TRIO: variants seen among roughly 807,000 people sequenced by gnomAD.
The protein encoded by TRIO is trio Rho guanine nucleotide exchange factor.
A neutral mutation model predicts 351.9 loss-of-function variants in TRIO; 58 were observed. The observed-to-expected ratio is 0.16, with a 90% CI of 0.13 to 0.21. The LOEUF (loss-of-function observed/expected upper bound fraction) is 0.21. TRIO is among the 10% of genes least tolerant of loss of function. The pLI is 1.00. For synonymous variants in TRIO, 1,758 were observed against 1,595.7 expected, an observed-to-expected ratio of 1.10 and a Z score of -2.42; for missense variants, 3,201 against 4,027.8, an observed-to-expected ratio of 0.79 and a Z score of 5.56.
intron 8 of TRIO, among the ~76,000 whole-genome samples, chr5:14,306,105 C>T (rs971022476): frequency 6.7e-6 from 1 of 149,830 alleles, no homozygotes; most frequent in Admixed American, 6.7e-5. Flanking sequence ...TCCCTGATAC[C>T]ACGTGATGTC....
intron 27 of TRIO, among the ~76,000 whole-genome samples, chr5:14,393,224 C>A (rs1747261665): frequency 6.6e-6 from 1 of 151,310 alleles, no homozygotes; most frequent in African/African-American, 2.4e-5. Context: ...AGGGGAACAT[C>A]ACACACTGGG....
At chr5:14,384,058 T>C (rs1746340616) in intron 21 of TRIO, among the ~76,000 whole-genome samples, 1 of 152,194 alleles carries the variant, frequency 6.6e-6, no homozygotes, top group Admixed American at 6.5e-5. Flanking sequence ...CCACGGGTCT[T>C]GCAGGCACCA....
At chr5:14,441,111 T>A (rs1251598233) in intron 34 of TRIO, 1 of 152,652 alleles carries the variant, frequency 6.6e-6, no homozygotes, top group Non-Finnish European at 1.5e-5. Flanking sequence ...TGCCTGTCCC[T>A]GTCGCGTCCC....
Position 14,445,126 on chromosome 5 carries a change from A to G in TRIO, c.5204-15893A>G, listed in dbSNP as rs375508053. On this transcript the variant is annotated intron_variant, in intron 34 of 56. Coordinates refer to ENST00000344204, the MANE Select transcript of TRIO (RefSeq NM_007118.4). ...CCTCCAGGTGCTCAAAGTTGGCCTC[A>G]GGGACACGTGAGCAAGTCCATAAAC... Among the ~76,000 whole-genome samples the G allele has an allele frequency of 1.2e-3, 190 of 152,318 alleles. 1 individual carries two copies. Among genetic ancestry groups the G allele is most frequent in the African/African-American group, 4.2e-3 (174 of 41,562 alleles).
intron 3 of TRIO, among the ~76,000 whole-genome samples, chr5:14,285,802 A>G (rs1055290723): frequency 6.6e-6 from 1 of 152,130 alleles, no homozygotes; most frequent in Non-Finnish European, 1.5e-5. Flanking sequence ...TATTTCCAAA[A>G]AAGACCTTGT....
In TRIO at chr5:14,401,056, G is replaced by A. The variant is rs1214778988; in HGVS notation, c.4708G>A (p.Val1570Ile). 2 of 1,613,634 alleles carry A rather than the reference G, an allele frequency of 1.2e-6. No individual in the cohort carries two copies. Among genetic ancestry groups the A allele is most frequent in the Admixed American group, 1.7e-5 (1 of 59,990 alleles). Residue 1570 changes from valine (V) to isoleucine (I), a missense_variant, in exon 31 of 57, where the codon GTC (valine) becomes ATC (isoleucine). By Grantham distance (29) the Val-to-Ile change is conservative. This residue lies in a region of TRIO where 136 missense variants were observed against 229.5 expected (regional missense o/e 0.59). Coordinates refer to ENST00000344204, the MANE Select transcript of TRIO (RefSeq NM_007118.4). Reference protein sequence around the residue: ...GRTPTSDNKIVLKASSIENKQ... With the variant: ...GRTPTSDNKIILKASSIENKQ... ...AACACCAACTTCAGATAATAAAATT[G>A]TCCTTAAGGTACGTTCATTTGAAGC...
chr5:14,256,913 C>T (rs777615304), intron 1 of TRIO, among the ~76,000 whole-genome samples: 45 of 152,206 alleles, frequency 3.0e-4, no homozygotes, highest in Admixed American at 8.5e-4. Flanking sequence ...CAAATGAGTT[C>T]AGCCTTTAGC....
chr5:14,234,656 A>G (rs1793664210), intron 1 of TRIO, among the ~76,000 whole-genome samples: 3 of 152,256 alleles, frequency 2.0e-5, no homozygotes, highest in African/African-American at 7.2e-5. Context: ...ATATACAAGT[A>G]AAGGGAAGCC....
intron 19 of TRIO, among the ~76,000 whole-genome samples, chr5:14,375,487 A>G (rs979996278): frequency 1.3e-5 from 2 of 152,164 alleles, no homozygotes; most frequent in Non-Finnish European, 2.9e-5. Flanking sequence ...TTGCTGTTGT[A>G]TATCCTAATG....
chr5:14,419,907 C>T lies in TRIO; in HGVS notation c.5089C>T (p.Leu1697=), dbSNP rs1230266015. The T allele has an allele frequency of 1.2e-6, 2 of 1,614,208 alleles. No homozygotes were observed. The highest frequency in any genetic ancestry group is 4.5e-5 in the East Asian group (2 of 44,882). The change falls in exon 34 of 57, where the codon CTG becomes TTG. Residue 1697 remains leucine (L), a synonymous_variant. Transcript: ENST00000344204. Reference sequence around the variant, plus strand: ...GCCGCATGACAAGCCTGACTGGTGTCTGGTGCGGACAACTGACCGCTCCCC... The same window carrying T: ...GCCGCATGACAAGCCTGACTGGTGTTTGGTGCGGACAACTGACCGCTCCCC... The part of the protein sequence containing the change: ...ERPHDKPDWC[L]VRTTDRSPAA...
chr5:14,207,386 G>GTCTC lies in TRIO; in HGVS notation c.158-63436_158-63435insCTCT, dbSNP rs1372670050. 1.2e-4 allele frequency among the ~76,000 whole-genome samples: 3 copies of GTCTC among 24,656 alleles called. 1 individual carries two copies. Among genetic ancestry groups the GTCTC allele is most frequent in the Non-Finnish European group, 1.6e-4 (2 of 12,826 alleles). 16.2% of individuals were successfully genotyped at this position (24,656 alleles called of 152,430 possible). A position where few individuals can be genotyped will look rare whatever the true frequency, so the allele number is the denominator to read the frequency against. The stretch of plus-strand genomic sequence containing the variant: ...CAGAGCCAGGTAGCATAGCAAGACT[G>GTCTC]TCTACACACACACACACACACACAC... On this transcript the variant is annotated intron_variant, in intron 1 of 56. Transcript: ENST00000344204.
chr5:14,472,092 A>G (rs1043194016), intron 38 of TRIO, among the ~76,000 whole-genome samples: 7 of 152,376 alleles, frequency 4.6e-5, no homozygotes, highest in South Asian at 4.1e-4. Context: ...GTTGTTTGCT[A>G]TACTGATCAA....
intron 25 of TRIO, 59 bp downstream of exon 25, chr5:14,389,457 C>A: frequency 7.9e-7 from 1 of 1,260,952 alleles, no homozygotes; most frequent in Non-Finnish European, 1.1e-6. Context: ...GAAGTTTCAT[C>A]ACAAGAAATG....
rs1335721635 is a variant in TRIO at position 14,378,139 on chromosome 5, C to G, written c.3447+12C>G. On this transcript the variant is annotated intron_variant, in intron 20 of 56. Transcript: ENST00000344204. ...GGAGTGCCAAGCAGGTCAGTGCACA[C>G]CTGGTGCCCAGCCTCCCCCTAAACT... is the stretch of plus-strand genomic sequence containing the variant. 6.3e-7 allele frequency: 1 copy of G among 1,594,166 alleles called. No individual in the cohort carries two copies.
chr5:14,163,623 C>G (rs1788603217), intron 1 of TRIO, among the ~76,000 whole-genome samples: 1 of 152,204 alleles, frequency 6.6e-6, no homozygotes, highest in Non-Finnish European at 1.5e-5. Context: ...CAACTATTGC[C>G]TCTTGCAGGG....
At chr5:14,452,097 G>GGCA (rs1752887202) in intron 34 of TRIO, among the ~76,000 whole-genome samples, 2 of 152,210 alleles carry the variant, frequency 1.3e-5, no homozygotes, top group South Asian at 4.1e-4. Context: ...GTGCATGTTT[G>GGCA]GCTGACGTTA....
intron 34 of TRIO, among the ~76,000 whole-genome samples, chr5:14,453,984 C>T (rs906334742): frequency 3.3e-5 from 5 of 151,820 alleles, no homozygotes; most frequent in Admixed American, 1.3e-4. Flanking sequence ...GACTGGAGTG[C>T]GGTGGCACAA....
At chr5:14,208,225 C>G (rs77262099) in intron 1 of TRIO, among the ~76,000 whole-genome samples, 69 of 152,274 alleles carry the variant, frequency 4.5e-4, no homozygotes, top group African/African-American at 1.6e-3. Context: ...CCGTATTACT[C>G]ATAATAGCCA....
intron 3 of TRIO, among the ~76,000 whole-genome samples, chr5:14,285,787 A>G (rs1264440464): frequency 2.0e-5 from 3 of 152,108 alleles, no homozygotes; most frequent in East Asian, 1.9e-4. Flanking sequence ...ATAAGGTCCT[A>G]GGTATATTTC....
Sources: allele counts gnomAD v4.1 joint callset (sites outside exome capture counted in the v4.1 genomes callset), GRCh38; gene constraint gnomAD v4.1.1; regional missense constraint gnomAD v4.1.1; transcripts MANE v1.5; gene names NCBI Gene and HGNC (gene_info 2026-07-23, HGNC 2026-07-21).